Variants in TMPRSS15 observed in about 807,000 individuals in gnomAD.
TMPRSS15 encodes enteropeptidase.
TMPRSS15 carries 128 observed loss-of-function variants against 125.3 expected under a neutral mutation model. The ratio of observed to expected loss-of-function variants is 1.02; its 90% CI spans 0.89 to 1.18. The LOEUF is 1.18. Ranked by LOEUF, TMPRSS15 falls within the 50% of genes most tolerant of loss-of-function variation. The pLI is 0.00. For synonymous variants in TMPRSS15, 446 were observed against 423.2 expected, an observed-to-expected ratio of 1.05 and a Z score of -0.66; for missense variants, 1,283 against 1,212.7, an observed-to-expected ratio of 1.06 and a Z score of -0.86.
At chr21:18,348,999 G>T (rs954736781) in intron 10 of TMPRSS15, among the ~76,000 whole-genome samples, 9 of 152,124 alleles carry the variant, frequency 5.9e-5, no homozygotes, top group Middle Eastern at 3.2e-3. Flanking sequence ...AGAAATAGAA[G>T]ATAGGAAACT....
chr21:18,304,028 G>A (rs1345347671), intron 18 of TMPRSS15, among the ~76,000 whole-genome samples: 1 of 152,144 alleles, frequency 6.6e-6, no homozygotes, highest in Non-Finnish European at 1.5e-5. Context: ...TGTGGGTGGT[G>A]AAAACCTTGC....
At position 18,352,998 on chromosome 21, in the gene TMPRSS15, T is replaced by C. The variant is rs756770278; in HGVS notation, c.1076A>G (p.Asp359Gly). The change falls in exon 10 of 25, where the codon GAT becomes GGT. Residue 359 changes from aspartate (D) to glycine (G), a missense_variant. Physicochemically the swap from Asp to Gly is moderately conservative, Grantham distance 94. Transcript: ENST00000284885. Reference protein sequence around the residue: ...FEDGFCFWVQDLNDDNEWERI... With the variant: ...FEDGFCFWVQGLNDDNEWERI... ...TTCCCATTCATTATCATCATTTAGA[T>C]CCTGGACCCAGAAACAAAAGCCATC... is the stretch of plus-strand genomic sequence containing the variant. 6.2e-7 allele frequency: 1 copy of C among 1,611,816 alleles called. No individual in the cohort carries two copies. Among genetic ancestry groups the C allele is most frequent in the Non-Finnish European group, 8.5e-7 (1 of 1,178,878 alleles).
chr21:18,290,809 T>C (rs1350007259), intron 21 of TMPRSS15, among the ~76,000 whole-genome samples: 1 of 146,300 alleles, frequency 6.8e-6, no homozygotes, highest in Non-Finnish European at 1.5e-5. Flanking sequence ...AGTATAAAAA[T>C]ACATCTAACC....
chr21:18,307,493 T>C (rs1400571805), intron 18 of TMPRSS15, among the ~76,000 whole-genome samples: 1 of 152,174 alleles, frequency 6.6e-6, no homozygotes. Context: ...TTCCTTGACA[T>C]GCCTTTATTG....
intron 12 of TMPRSS15, 72 bp from the exon 13 acceptor site, chr21:18,341,620 G>T (rs1451384586): frequency 5.4e-6 from 8 of 1,494,128 alleles, no homozygotes; most frequent in African/African-American, 4.1e-5. Context: ...CTTCTTGTGA[G>T]CCCAAGAGAT....
At chr21:18,438,451 A>G (rs1211763683) in intron 1 of TMPRSS15, among the ~76,000 whole-genome samples, 15 of 152,124 alleles carry the variant, frequency 9.9e-5, no homozygotes, top group Non-Finnish European at 2.1e-4. Context: ...CGTTGTGCAC[A>G]TGTCCCCTAA....
At chr21:18,295,665 A>C (rs1446118063) in intron 19 of TMPRSS15, among the ~76,000 whole-genome samples, 1 of 152,250 alleles carries the variant, frequency 6.6e-6, no homozygotes, top group Non-Finnish European at 1.5e-5. Flanking sequence ...CATATTCTTT[A>C]CAACACAGAA....
intron 1 of TMPRSS15, among the ~76,000 whole-genome samples, chr21:18,402,665 A>T (rs963746203): frequency 6.6e-6 from 1 of 152,172 alleles, no homozygotes; most frequent in African/African-American, 2.4e-5. Flanking sequence ...TCAATTTTTT[A>T]AATTTACCCT....
At chr21:18,346,009 T>A (rs997608238) in intron 10 of TMPRSS15, among the ~76,000 whole-genome samples, 4 of 151,928 alleles carry the variant, frequency 2.6e-5, no homozygotes, top group African/African-American at 9.7e-5. Flanking sequence ...AAGTAAAACA[T>A]AATTAATTAT....
upstream of TMPRSS15, among the ~76,000 whole-genome samples, chr21:18,407,451 T>TTC (rs1555911115): frequency 2.8e-5 from 2 of 72,460 alleles, no homozygotes; most frequent in African/African-American, 9.4e-5. Context: ...TTCTTTTCTT[T>TTC]TTTTTTTTTT....
At chr21:18,447,439 C>CAAAAAAAA (rs57558994) in intron 1 of TMPRSS15, among the ~76,000 whole-genome samples, 9 of 88,064 alleles carry the variant, frequency 1.0e-4, no homozygotes, top group Admixed American at 1.4e-4. Context: ...GACTTCAACT[C>CAAAAAAAA]AAAAAAAAAA....
chr21:18,465,966 C>T (rs140889887), intron 1 of TMPRSS15, among the ~76,000 whole-genome samples: 4,146 of 152,114 alleles, frequency 0.027, 201 homozygotes, highest in African/African-American at 0.094. Flanking sequence ...CAATCCTAAG[C>T]GAAAAGAACA....
rs576822592 is a variant in TMPRSS15 at position 18,326,370 on chromosome 21, T to C, written c.1921+62A>G. ...AATCATGATTTTGGCCTTGAAATTC[T>C]GTACACCTTTGCTGTTTTGCTCCAA... On this transcript the variant is annotated intron_variant, in intron 16 of 24. Transcript: ENST00000284885. The C allele has an allele frequency of 4.4e-6, 7 of 1,606,846 alleles. No individual in the cohort carries two copies. The East Asian group carries it at 1.1e-4, about 26-fold the overall frequency.
chr21:18,281,888 G>C (rs1455266183), intron 21 of TMPRSS15, among the ~76,000 whole-genome samples: 2 of 151,848 alleles, frequency 1.3e-5, no homozygotes, highest in Non-Finnish European at 2.9e-5. Context: ...ACAAGGTCAG[G>C]GGATCGAGAC....
chr21:18,484,999 A>G (rs1321610405), intron 1 of TMPRSS15, among the ~76,000 whole-genome samples: 2 of 151,844 alleles, frequency 1.3e-5, no homozygotes, highest in African/African-American at 4.8e-5. Context: ...CACCTTTCTG[A>G]TACTGATTGT....
intron 13 of TMPRSS15, among the ~76,000 whole-genome samples, chr21:18,333,190 T>A (rs1185115773): frequency 2.0e-5 from 3 of 151,956 alleles, no homozygotes; most frequent in Admixed American, 6.6e-5. Context: ...ACAACCAACC[T>A]CCATGACACG....
chr21:18,344,509 T>C (rs2075484680), intron 10 of TMPRSS15, among the ~76,000 whole-genome samples: 1 of 152,244 alleles, frequency 6.6e-6, no homozygotes, highest in Non-Finnish European at 1.5e-5. Flanking sequence ...ATTTTCAGTT[T>C]TATATTTCAC....
chr21:18,419,775 T>G (rs2268436), intron 1 of TMPRSS15, among the ~76,000 whole-genome samples: 8,515 of 152,240 alleles, frequency 0.056, 455 homozygotes, highest in African/African-American at 0.13. Context: ...AAATACATCC[T>G]GCCCTGGTAT....
At chr21:18,369,405 G>C (rs1262587733) in intron 6 of TMPRSS15, among the ~76,000 whole-genome samples, 6 of 152,058 alleles carry the variant, frequency 3.9e-5, no homozygotes, top group African/African-American at 1.5e-4. Context: ...TAAAGGCTGT[G>C]AATCAGCATC....
Sources: gnomAD v4.1 joint callset for allele counts (sites outside exome capture counted in the v4.1 genomes callset) on GRCh38, gnomAD v4.1.1 for gene constraint, MANE v1.5 for transcripts, NCBI Gene and HGNC (gene_info 2026-07-23, HGNC 2026-07-21) for gene names.